The following CAPN5 variants were observed in gnomAD, a reference collection of about 807,000 sequenced individuals.
CAPN5 encodes the protein calpain 5, also known as calpain-5.
Under a neutral mutation model 73.0 loss-of-function variants are expected in CAPN5, and 54 were observed. The ratio of observed to expected loss-of-function variants is 0.74; its 90% CI spans 0.59 to 0.93. CAPN5 has a LOEUF of 0.93. Ranked by LOEUF, CAPN5 falls within the 40% of genes least tolerant of loss-of-function variation. The probability of loss-of-function intolerance (pLI) is 0.00; values close to 1 mark genes in which losing one functional copy is unlikely to be tolerated. For missense variants in CAPN5, 785 were observed against 882.9 expected (o/e 0.89, Z 1.41); for synonymous variants, 335 against 356.9 (o/e 0.94, Z 0.69).
intron 11 of CAPN5, 39 bp from the exon 12 acceptor site, chr11:77,122,537 A>AT: frequency 2.3e-6 from 1 of 427,578 alleles, no homozygotes; most frequent in South Asian, 2.5e-5. Flanking sequence ...CACAGCCCCC[A>AT]CCCCCACCCT....
intron 3 of CAPN5, among the ~76,000 whole-genome samples, chr11:77,096,588 C>G (rs1389493354): frequency 2.0e-5 from 3 of 152,212 alleles, no homozygotes; most frequent in African/African-American, 7.2e-5. Flanking sequence ...GGTACATTCC[C>G]TGAGGGCAGG....
intron 3 of CAPN5, among the ~76,000 whole-genome samples, chr11:77,095,460 C>T (rs1555037370): frequency 1.3e-5 from 2 of 152,234 alleles, no homozygotes; most frequent in Non-Finnish European, 2.9e-5. Context: ...GTGAGGTGAG[C>T]TCCCCACAGG....
intron 3 of CAPN5, 34 bp downstream of exon 3, chr11:77,093,847 G>C (rs1207502189): frequency 4.4e-6 from 7 of 1,600,894 alleles, no homozygotes; most frequent in Non-Finnish European, 5.9e-6. Context: ...AGGGTGCTGG[G>C]GAGTGTGAAC....
intron 3 of CAPN5, among the ~76,000 whole-genome samples, chr11:77,102,633 C>G (rs1018525889): frequency 3.3e-5 from 5 of 152,268 alleles, no homozygotes; most frequent in Non-Finnish European, 7.3e-5. Flanking sequence ...TCTGCGGGGA[C>G]TGGAGTGGAG....
chr11:77,070,676 G>T lies in CAPN5; in HGVS notation c.-36+3582G>T, dbSNP rs550081836. Among the ~76,000 whole-genome samples the T allele has an allele frequency of 2.0e-4, 31 of 152,272 alleles. 1 individual carries two copies. The highest frequency in any genetic ancestry group is 6.7e-4 in the African/African-American group (28 of 41,560). On this transcript the variant is annotated intron_variant, in intron 1 of 12. Transcript: ENST00000648180. ...ACTGTTGCGACAAATTGCCACACTT[G>T]GTGGCTGAAAACAACACAGATTTAT... is the stretch of plus-strand genomic sequence containing the variant.
chr11:77,102,640 G>A (rs1950297894), intron 3 of CAPN5, among the ~76,000 whole-genome samples: 1 of 152,266 alleles, frequency 6.6e-6, no homozygotes, highest in Non-Finnish European at 1.5e-5. Context: ...GGACTGGAGT[G>A]GAGGCAGATG....
chr11:77,118,408 C>T, intron 8 of CAPN5, 56 bp downstream of exon 8: 2 of 1,435,312 alleles, frequency 1.4e-6, no homozygotes, highest in Non-Finnish European at 1.9e-6. Flanking sequence ...GGTGCCTTGC[C>T]ACTGTCCTGC....
intron 1 of CAPN5, chr11:77,073,211 TG>T: frequency 1.2e-6 from 1 of 854,548 alleles, no homozygotes. Context: ...GTTAAAACTG[TG>T]GTGAGCTGCT....
Position 77,103,325 on chromosome 11 carries a change from G to A in CAPN5, c.298-9264G>A, listed in dbSNP as rs375380047. 10 of 1,605,898 alleles carry A rather than the reference G, an allele frequency of 6.2e-6. No homozygotes were observed. In the African/African-American group the frequency reaches 1.2e-4, roughly 19 times the overall value. ...TCAAGGCCTCCGTGGTTTTTAACCA[G>A]CTCTGACAGCAGCTGCCAGCTGCTG... is the stretch of plus-strand genomic sequence containing the variant. On this transcript the variant is annotated intron_variant, in intron 3 of 12. Transcript: ENST00000648180.
At chr11:77,068,518 G>C (rs1949869572) in intron 1 of CAPN5, among the ~76,000 whole-genome samples, 1 of 152,166 alleles carries the variant, frequency 6.6e-6, no homozygotes, top group Non-Finnish European at 1.5e-5. Context: ...GCAGCCCCAA[G>C]GAACAGCATG....
intron 2 of CAPN5, 84 bp downstream of exon 2, chr11:77,085,135 G>A: frequency 4.9e-6 from 6 of 1,226,168 alleles, no homozygotes; most frequent in Non-Finnish European, 7.1e-6. Context: ...TCGGGGTGGT[G>A]GGAGGAGGCA....
At chr11:77,070,165 T>C (rs1949888257) in intron 1 of CAPN5, among the ~76,000 whole-genome samples, 2 of 152,144 alleles carry the variant, frequency 1.3e-5, no homozygotes, top group East Asian at 3.9e-4. Context: ...TTCCCAGGGA[T>C]AGGGGTCTGG....
intron 10 of CAPN5, among the ~76,000 whole-genome samples, chr11:77,121,393 C>G (rs144618155): frequency 6.6e-6 from 1 of 152,368 alleles, no homozygotes; most frequent in East Asian, 1.9e-4. Context: ...GGGCATAGAC[C>G]CTGTGCGTCC....
In CAPN5 at chr11:77,120,775, C is replaced by T. The variant is rs782454652; in HGVS notation, c.1353C>T (p.Tyr451=). The part of the protein sequence containing the change: ...SLQHKAASSI[Y]INSRSVFLRT... ...AGCACAAGGCCGCCAGCTCCATCTA[C>T]ATCAACTCACGCAGCGTCTTCCTGC... Residue 451 remains tyrosine, a synonymous_variant, in exon 10 of 13, where the codon TAC becomes TAT. Transcript: ENST00000648180. 2.5e-6 allele frequency: 4 copies of T among 1,614,076 alleles called. No homozygotes were observed. The highest frequency in any genetic ancestry group is 1.7e-6 in the Non-Finnish European group (2 of 1,180,008).
Position 77,115,976 on chromosome 11 carries a change from C to G in CAPN5, c.894-250C>G, listed in dbSNP as rs1950463965. On this transcript the variant is annotated intron_variant, in intron 6 of 12. Transcript: ENST00000648180. Reference sequence around the variant, plus strand: ...CACTGGGGGTCGCACCCCCCTTCCCCCCAGTCTGCAGCTTTACTTTCAGAC... The same window carrying G: ...CACTGGGGGTCGCACCCCCCTTCCCGCCAGTCTGCAGCTTTACTTTCAGAC... Among the ~76,000 whole-genome samples the G allele has an allele frequency of 2.0e-5, 3 of 152,098 alleles. No individual in the cohort carries two copies. The South Asian group carries it at 6.2e-4, about 31-fold the overall frequency.
chr11:77,101,159 GTTCA>G (rs1555038775), intron 3 of CAPN5, among the ~76,000 whole-genome samples: 1 of 152,150 alleles, frequency 6.6e-6, no homozygotes, highest in Non-Finnish European at 1.5e-5. Context: ...TCGATCATTC[GTTCA>G]TTCATTCAAC....
At chr11:77,069,554 A>C (rs1949880519) in intron 1 of CAPN5, among the ~76,000 whole-genome samples, 1 of 152,100 alleles carries the variant, frequency 6.6e-6, no homozygotes, top group South Asian at 2.1e-4. Context: ...AGCCGGGAGC[A>C]CCCTAGAGTA....
chr11:77,106,157 G>C (rs560744545), intron 3 of CAPN5, among the ~76,000 whole-genome samples: 48 of 152,028 alleles, frequency 3.2e-4, no homozygotes, highest in Non-Finnish European at 6.2e-4. Context: ...CACTCTCCTG[G>C]GTCACACAGC....
intron 9 of CAPN5, 97 bp downstream of exon 9, chr11:77,119,249 G>C: frequency 7.4e-7 from 1 of 1,356,374 alleles, no homozygotes; most frequent in Admixed American, 2.2e-5. Context: ...GAACACCTTG[G>C]TCACTGCCGC....
Sources: gnomAD v4.1 joint callset for allele counts (sites outside exome capture counted in the v4.1 genomes callset) on GRCh38, gnomAD v4.1.1 for gene constraint, MANE v1.5 for transcripts, NCBI Gene and HGNC (gene_info 2026-07-23, HGNC 2026-07-21) for gene names.